NPTN: variants seen among roughly 807,000 people sequenced by gnomAD.
NPTN encodes the protein neuroplastin, also known as SDR-1.
In NPTN, 5 loss-of-function variants were observed where a neutral mutation model predicts 42.7. The ratio of observed to expected loss-of-function variants is 0.12; its 90% confidence interval spans 0.06 to 0.25. NPTN has a LOEUF of 0.25. Among genes scored for constraint, NPTN ranks in the 10% least tolerant of loss-of-function variants. The probability of loss-of-function intolerance (pLI) is 1.00; values close to 1 mark genes in which losing one functional copy is unlikely to be tolerated. For missense variants in NPTN, 307 were observed against 525.4 expected (o/e 0.58, Z 4.06); for synonymous variants, 180 against 201.9 (o/e 0.89, Z 0.92).
At chr15:73,583,621 G>C (rs1786141342) in intron 4 of NPTN, among the ~76,000 whole-genome samples, 1 of 152,122 alleles carries the variant, frequency 6.6e-6, no homozygotes, top group South Asian at 2.1e-4. Context: ...GTGGTTTTTG[G>C]GCTGAAGTTA....
At chr15:73,567,849 A>G (rs1449221397) in intron 6 of NPTN, 1 of 985,344 alleles carries the variant, frequency 1.0e-6, no homozygotes, top group East Asian at 1.1e-4. Context: ...AGCATCTCAG[A>G]TTTTTCACCC....
intron 1 of NPTN, among the ~76,000 whole-genome samples, chr15:73,628,866 C>A (rs17186070): frequency 2.0e-5 from 3 of 152,054 alleles, no homozygotes; most frequent in South Asian, 2.1e-4. Context: ...TGTTTCACAT[C>A]AAATCTGTAT....
chr15:73,607,047 C>T (rs564343639), intron 1 of NPTN, among the ~76,000 whole-genome samples: 10 of 152,250 alleles, frequency 6.6e-5, no homozygotes, highest in African/African-American at 2.4e-4. Flanking sequence ...ATCCTCCTTA[C>T]CCCTAATGTT....
At chr15:73,604,268 G>A (rs138682407) in intron 1 of NPTN, among the ~76,000 whole-genome samples, 6 of 152,174 alleles carry the variant, frequency 3.9e-5, no homozygotes, top group South Asian at 2.1e-4. Context: ...GCTCGAGACC[G>A]GCCTGGGTAA....
chr15:73,576,740 C>T lies in NPTN; in HGVS notation c.707-2945G>A, dbSNP rs546059947. Among the ~76,000 whole-genome samples the T allele has an allele frequency of 2.0e-5, 3 of 152,220 alleles. No homozygotes were observed. In the South Asian group the frequency reaches 6.2e-4, roughly 32 times the overall value. On this transcript the variant is annotated intron_variant, in intron 4 of 8. Transcript: ENST00000345330. ...GAGGGTACAAACCCATGGCTGGGCT[C>T]GACTTTTTAACAGTCTTATCTGAGA...
rs1027770848 is a variant in NPTN at position 73,561,041 on chromosome 15, C to G, written c.*22G>C. The G allele has an allele frequency of 2.0e-5, 3 of 152,614 alleles. No individual in the cohort carries two copies. The highest frequency in any genetic ancestry group is 4.4e-5 in the Non-Finnish European group (3 of 68,036). The allele number at this position is 152,614 out of a possible 1,614,324, so 9.5% of individuals were successfully genotyped here. On this transcript the variant is annotated 3_prime_UTR_variant, in exon 9 of 9. Coordinates refer to ENST00000345330, the MANE Select transcript of NPTN (RefSeq NM_012428.4). Reference sequence around the variant, plus strand: ...TCATGTTGCCACCAGTTTCAGGAACCTAAAGATCTGTAAAGAAATATGTAT... The same window carrying G: ...TCATGTTGCCACCAGTTTCAGGAACGTAAAGATCTGTAAAGAAATATGTAT...
At chr15:73,574,041 T>C (rs1413749471) in intron 4 of NPTN, among the ~76,000 whole-genome samples, 3 of 152,228 alleles carry the variant, frequency 2.0e-5, no homozygotes, top group Non-Finnish European at 4.4e-5. Flanking sequence ...GCTCTACTAA[T>C]GTAGGTGATT....
At chr15:73,581,836 C>CT (rs975626130) in intron 4 of NPTN, among the ~76,000 whole-genome samples, 1,585 of 147,740 alleles carry the variant, frequency 0.011, 28 homozygotes, top group African/African-American at 0.035. Flanking sequence ...ATATGGTGCT[C>CT]TTTTTTTTTT....
At chr15:73,588,787 A>G (rs1896443003) in intron 3 of NPTN, among the ~76,000 whole-genome samples, 1 of 152,194 alleles carries the variant, frequency 6.6e-6, no homozygotes, top group South Asian at 2.1e-4. Context: ...CTTCTTCACA[A>G]TACTTATCAT....
rs374707842 is a variant in NPTN at position 73,620,039 on chromosome 15, CCTAAT to C, written c.91+13081_91+13085del. Among the ~76,000 whole-genome samples the C allele has an allele frequency of 4.5e-3, 687 of 152,280 alleles. 6 individuals carry two copies. The highest frequency in any genetic ancestry group is 0.041 in the Middle Eastern group (12 of 294). On this transcript the variant is annotated intron_variant, in intron 1 of 8. Coordinates refer to ENST00000345330, the MANE Select transcript of NPTN (RefSeq NM_012428.4). ...GATTTGCCAAAAATCAGGGTTTCAACCTAATCTCTCAGGCTCCAAAATTCATAATA... is the reference window on the plus strand; with the variant it reads ...GATTTGCCAAAAATCAGGGTTTCAACCTCTCAGGCTCCAAAATTCATAATA...
chr15:73,615,384 C>T (rs1324076447), intron 1 of NPTN, among the ~76,000 whole-genome samples: 1 of 152,074 alleles, frequency 6.6e-6, no homozygotes, highest in Admixed American at 6.6e-5. Context: ...ATTTAATTTG[C>T]TACATAAAGA....
chr15:73,562,190 A>T (rs1894718158), intron 7 of NPTN, among the ~76,000 whole-genome samples: 1 of 152,094 alleles, frequency 6.6e-6, no homozygotes, highest in Non-Finnish European at 1.5e-5. Context: ...CAGATTTTGA[A>T]TTTTTTTAGA....
chr15:73,573,390 GT>G (rs1470929242), intron 5 of NPTN, among the ~76,000 whole-genome samples: 1 of 152,196 alleles, frequency 6.6e-6, no homozygotes, highest in Non-Finnish European at 1.5e-5. Context: ...GTCTCTGGAA[GT>G]TCTTTAGAGC....
intron 1 of NPTN, among the ~76,000 whole-genome samples, chr15:73,610,892 T>C (rs762386480): frequency 1.8e-4 from 28 of 152,082 alleles, no homozygotes; most frequent in Non-Finnish European, 3.4e-4. Context: ...GGGAACATTT[T>C]CCCCCCTCTA....
chr15:73,624,982 TTTTA>T (rs1168580235), intron 1 of NPTN, among the ~76,000 whole-genome samples: 1 of 152,244 alleles, frequency 6.6e-6, no homozygotes, highest in Non-Finnish European at 1.5e-5. Context: ...ATCCAAAATG[TTTTA>T]TTTTCTTTAC....
At chr15:73,601,865 C>T (rs948813265) in intron 1 of NPTN, among the ~76,000 whole-genome samples, 1 of 152,100 alleles carries the variant, frequency 6.6e-6, no homozygotes, top group Non-Finnish European at 1.5e-5. Context: ...GAGGGGGTAG[C>T]AGGCAGAGCA....
At chr15:73,614,914 T>C (rs1897789808) in intron 1 of NPTN, among the ~76,000 whole-genome samples, 1 of 152,178 alleles carries the variant, frequency 6.6e-6, no homozygotes, top group Admixed American at 6.5e-5. Flanking sequence ...ACAGATACCT[T>C]AGAAGTTACC....
At chr15:73,591,396 G>C (rs1414493474) in intron 3 of NPTN, among the ~76,000 whole-genome samples, 1 of 152,182 alleles carries the variant, frequency 6.6e-6, no homozygotes, top group African/African-American at 2.4e-5. Context: ...TGGGTGCTGG[G>C]TAACTCTAGC....
chr15:73,591,732 C>G, intron 3 of NPTN: 1 of 354,778 alleles, frequency 2.8e-6, no homozygotes, highest in Non-Finnish European at 5.1e-6. Flanking sequence ...CTCAGTTTCT[C>G]TATGATTATA....
Sources: allele counts gnomAD v4.1 joint callset (sites outside exome capture counted in the v4.1 genomes callset), GRCh38; gene constraint gnomAD v4.1.1; transcripts MANE v1.5; gene names NCBI Gene and HGNC (gene_info 2026-07-23, HGNC 2026-07-21).